Variants in CLNK observed in about 807,000 individuals in gnomAD.
CLNK encodes cytokine dependent hematopoietic cell linker.
In CLNK, 74 loss-of-function variants were observed where a neutral mutation model predicts 68.6. The observed-to-expected ratio is 1.08, with a 90% CI of 0.89 to 1.31. The LOEUF is 1.31. Among genes scored for constraint, CLNK ranks in the 50% most tolerant of loss-of-function variants. The probability of loss-of-function intolerance (pLI) is 0.00; values close to 1 mark genes in which losing one functional copy is unlikely to be tolerated. For missense variants in CLNK, 553 were observed against 515.3 expected, an observed-to-expected ratio of 1.07 and a Z score of -0.71; for synonymous variants, 198 against 172.2, an observed-to-expected ratio of 1.15 and a Z score of -1.17.
chr4:10,579,395 T>TGAGA (rs60553390), intron 4 of CLNK, among the ~76,000 whole-genome samples: 1 of 151,298 alleles, frequency 6.6e-6, no homozygotes, highest in Non-Finnish European at 1.5e-5. Context: ...AAGAGGGGAA[T>TGAGA]GAGAGAGAGA....
At chr4:10,704,702 G>GC in the CLNK span, among the ~76,000 whole-genome samples, 256 of 152,294 alleles carry the variant, frequency 1.7e-3, no homozygotes, top group African/African-American at 5.8e-3. Context: ...ACAGGGTCAA[G>GC]CCCCCCTGTG....
intron 2 of CLNK, among the ~76,000 whole-genome samples, chr4:10,662,958 T>C (rs944946012): frequency 1.3e-5 from 2 of 152,206 alleles, no homozygotes; most frequent in Non-Finnish European, 2.9e-5. Flanking sequence ...ATCCCCAATC[T>C]GGGATGTGCA....
chr4:10,591,208 C>T (rs1014425517), intron 3 of CLNK, among the ~76,000 whole-genome samples: 3 of 152,084 alleles, frequency 2.0e-5, no homozygotes, highest in Admixed American at 6.6e-5. Context: ...ACAGAGGTAA[C>T]GTAGGAACAC....
chr4:10,504,464 T>C (rs2109028110), intron 17 of CLNK, among the ~76,000 whole-genome samples: 1 of 152,318 alleles, frequency 6.6e-6, no homozygotes, highest in South Asian at 2.1e-4. Context: ...GGAAAAATTT[T>C]AGTCTCATTT....
rs1223222701 is a variant in CLNK at position 10,542,045 on chromosome 4, A to C, written c.472-4T>G. 2 of 1,591,890 alleles carry C rather than the reference A, an allele frequency of 1.3e-6. No homozygotes were observed. The highest frequency in any genetic ancestry group is 1.4e-5 in the African/African-American group (1 of 73,876). On this transcript the variant is annotated splice_region_variant and splice_polypyrimidine_tract_variant and intron_variant, in intron 9 of 18. Coordinates refer to ENST00000226951, the MANE Select transcript of CLNK (RefSeq NM_052964.4). ...ACCGAGGAGGTGGTAAAGGAATCTG[A>C]AAAAGAAAAGAGAAACCTAAATTAA...
chr4:10,717,711 T>C, the CLNK span, among the ~76,000 whole-genome samples: 3 of 152,214 alleles, frequency 2.0e-5, no homozygotes, highest in South Asian at 6.2e-4. Flanking sequence ...AGCCTCTTTC[T>C]TTCCCTTGTC....
At chr4:10,541,843 G>C (rs980715544) in intron 10 of CLNK, among the ~76,000 whole-genome samples, 179 bp downstream of exon 10, 1 of 151,608 alleles carries the variant, frequency 6.6e-6, no homozygotes, top group African/African-American at 2.4e-5. Context: ...ATGAATGAAG[G>C]CTTGTTTAAT....
At position 10,619,794 on chromosome 4, in the gene CLNK, C is replaced by A. The variant is rs548772142; in HGVS notation, c.12-21745G>T. On this transcript the variant is annotated intron_variant, in intron 2 of 18. Coordinates refer to ENST00000226951, the MANE Select transcript of CLNK (RefSeq NM_052964.4). ...GTAGTCTTTCCAGTATCGTGTGGAGCTGGCATTCCTATTTATATTTTACAG... is the reference window on the plus strand; with the variant it reads ...GTAGTCTTTCCAGTATCGTGTGGAGATGGCATTCCTATTTATATTTTACAG... Among the ~76,000 whole-genome samples the A allele has an allele frequency of 5.6e-4, 85 of 152,244 alleles. No individual in the cohort carries two copies. The South Asian group carries it at 0.013, about 23-fold the overall frequency.
intron 8 of CLNK, among the ~76,000 whole-genome samples, chr4:10,552,113 C>T (rs969495101): frequency 1.6e-4 from 24 of 152,114 alleles, no homozygotes; most frequent in Admixed American, 1.6e-3. Context: ...ACCTCAGCCT[C>T]CCAAAGTGTT....
At chr4:10,553,309 AC>A (rs1353518404) in intron 8 of CLNK, among the ~76,000 whole-genome samples, 1 of 152,222 alleles carries the variant, frequency 6.6e-6, no homozygotes, top group African/African-American at 2.4e-5. Flanking sequence ...CACTTAAGTT[AC>A]AAATGCTCCG....
chr4:10,550,972 T>C (rs1267104345), intron 8 of CLNK, among the ~76,000 whole-genome samples: 1 of 152,146 alleles, frequency 6.6e-6, no homozygotes, highest in African/African-American at 2.4e-5. Flanking sequence ...TGCTCAGCAA[T>C]TAACCGGTGG....
chr4:10,502,678 T>A (rs758033125), intron 17 of CLNK, among the ~76,000 whole-genome samples: 1 of 152,022 alleles, frequency 6.6e-6, no homozygotes, highest in Non-Finnish European at 1.5e-5. Context: ...TGTGGAAAGA[T>A]GTCTATGCAG....
intron 2 of CLNK, among the ~76,000 whole-genome samples, chr4:10,653,894 T>C (rs1304671785): frequency 3.9e-5 from 6 of 152,146 alleles, no homozygotes; most frequent in Non-Finnish European, 8.8e-5. Context: ...TAGAAAAATA[T>C]CTAGCAACAA....
chr4:10,643,549 A>G (rs1286799783), intron 2 of CLNK, among the ~76,000 whole-genome samples: 1 of 152,238 alleles, frequency 6.6e-6, no homozygotes, highest in East Asian at 1.9e-4. Context: ...ACAAAGGAGA[A>G]TACACTGGGA....
intron 2 of CLNK, among the ~76,000 whole-genome samples, chr4:10,607,153 C>T (rs2079684): frequency 0.99 from 151,264 of 152,326 alleles, 75,114 homozygotes; most frequent in East Asian, 1. Context: ...GTCTGAGGAA[C>T]GGGGGAAAAG....
chr4:10,570,178 C>A (rs1297324342), intron 5 of CLNK, among the ~76,000 whole-genome samples: 1 of 152,160 alleles, frequency 6.6e-6, no homozygotes, highest in African/African-American at 2.4e-5. Flanking sequence ...ATCACCAAGG[C>A]TCTCTAGGGC....
chr4:10,676,080 T>C (rs1223991683), intron 1 of CLNK, among the ~76,000 whole-genome samples: 3 of 138,910 alleles, frequency 2.2e-5, no homozygotes, highest in African/African-American at 7.6e-5. Context: ...TGTGTGTGTC[T>C]ATGTGTGTGT....
the CLNK span, among the ~76,000 whole-genome samples, chr4:10,721,691 C>G: frequency 3.9e-5 from 6 of 152,136 alleles, no homozygotes; most frequent in Non-Finnish European, 7.3e-5. Flanking sequence ...TTCATTTAAA[C>G]AGTAATTATC....
intron 18 of CLNK, among the ~76,000 whole-genome samples, chr4:10,497,019 C>T (rs960387329): frequency 2.0e-5 from 3 of 152,158 alleles, no homozygotes; most frequent in Admixed American, 2.0e-4. Flanking sequence ...ATTCTTTGTT[C>T]AAGATGCCAA....
Sources: allele counts gnomAD v4.1 joint callset (sites outside exome capture counted in the v4.1 genomes callset), GRCh38; gene constraint gnomAD v4.1.1; transcripts MANE v1.5; gene names NCBI Gene and HGNC (gene_info 2026-07-23, HGNC 2026-07-21).